The following GPD2 variants were observed in gnomAD, a reference collection of about 807,000 sequenced individuals.
GPD2 encodes glycerol-3-phosphate dehydrogenase, mitochondrial.
GPD2 carries 54 observed loss-of-function variants against 82.4 expected under a neutral mutation model. The observed-to-expected ratio is 0.66, with a 90% CI of 0.53 to 0.82. GPD2 has a LOEUF of 0.82. GPD2 is among the 40% of genes least tolerant of loss of function. GPD2 has a pLI of 0.00. For synonymous variants in GPD2, 288 were observed against 306.1 expected, an observed-to-expected ratio of 0.94 and a Z score of 0.62; for missense variants, 748 against 896.2, an observed-to-expected ratio of 0.83 and a Z score of 2.11.
intron 1 of GPD2, among the ~76,000 whole-genome samples, chr2:156,459,686 C>CAAGAAAAAAAAAA (rs1682917347): frequency 2.6e-5 from 1 of 38,788 alleles, no homozygotes; most frequent in Non-Finnish European, 4.5e-5. Flanking sequence ...GACTCCGTCT[C>CAAGAAAAAAAAAA]AAAAAAAAAA....
At chr2:156,471,873 A>T (rs1268957779) in intron 1 of GPD2, among the ~76,000 whole-genome samples, 1 of 152,194 alleles carries the variant, frequency 6.6e-6, no homozygotes, top group Admixed American at 6.5e-5. Context: ...TAGTTGATAA[A>T]CTCACAGATA....
At chr2:156,500,352 A>G (rs998868179) in intron 3 of GPD2, among the ~76,000 whole-genome samples, 1 of 152,168 alleles carries the variant, frequency 6.6e-6, no homozygotes, top group East Asian at 1.9e-4. Context: ...TTTTACTACA[A>G]TTCCTGATCA....
chr2:156,421,035 A>G, the GPD2 span, among the ~76,000 whole-genome samples: 1 of 152,214 alleles, frequency 6.6e-6, no homozygotes, highest in Non-Finnish European at 1.5e-5. Flanking sequence ...GTGCATGCAA[A>G]TCACCAGGAA....
the GPD2 span, among the ~76,000 whole-genome samples, chr2:156,409,302 A>T: frequency 6.6e-6 from 1 of 152,256 alleles, no homozygotes; most frequent in Non-Finnish European, 1.5e-5. Context: ...TACATTTTTG[A>T]CTTGGCAGAG....
At chr2:156,467,134 C>T (rs1683177336) in intron 1 of GPD2, among the ~76,000 whole-genome samples, 1 of 151,668 alleles carries the variant, frequency 6.6e-6, no homozygotes. Flanking sequence ...TATGGAAATA[C>T]TCTTCCTCTG....
the GPD2 span, among the ~76,000 whole-genome samples, chr2:156,409,214 T>C: frequency 6.6e-5 from 10 of 152,226 alleles, no homozygotes; most frequent in Admixed American, 1.3e-4. Flanking sequence ...CAATTGGTGA[T>C]ACTTGTTATT....
At chr2:156,533,759 A>AC (rs1026937043) in intron 6 of GPD2, among the ~76,000 whole-genome samples, 7 of 151,978 alleles carry the variant, frequency 4.6e-5, no homozygotes, top group African/African-American at 1.5e-4. Flanking sequence ...GAGTTCTCTG[A>AC]CCCCCCTCGC....
intron 8 of GPD2, among the ~76,000 whole-genome samples, chr2:156,552,894 C>CTTTTT (rs771404828): frequency 1.6e-4 from 17 of 107,350 alleles, no homozygotes; most frequent in Admixed American, 1.9e-4. Flanking sequence ...TTCCTTATAT[C>CTTTTT]TTTTTTTTTT....
chr2:156,447,224 T>C (rs1682398391), intron 1 of GPD2, among the ~76,000 whole-genome samples: 2 of 152,226 alleles, frequency 1.3e-5, no homozygotes, highest in African/African-American at 4.8e-5. Context: ...CTTTCTCCTT[T>C]CCTTCAAGCT....
In GPD2 at chr2:156,476,310, G is replaced by C. The variant is rs368193669; in HGVS notation, c.102+103G>C. 122 of 747,334 alleles carry C rather than the reference G, an allele frequency of 1.6e-4. No homozygotes were observed. The African/African-American group carries it at 1.9e-3, about 11-fold the overall frequency. 46.3% of individuals were successfully genotyped at this position (747,334 alleles called of 1,614,324 possible). The stretch of plus-strand genomic sequence containing the variant: ...TAACGGTTTTGTTTAGAAATTACTT[G>C]TGAAGTTTCTCAGTTTGATCTGAAA... On this transcript the variant is annotated intron_variant, in intron 2 of 16. Transcript: ENST00000438166.
chr2:156,465,574 G>A (rs1259974652), intron 1 of GPD2, among the ~76,000 whole-genome samples: 1 of 151,872 alleles, frequency 6.6e-6, no homozygotes, highest in Non-Finnish European at 1.5e-5. Flanking sequence ...TTCCCAGGTT[G>A]GTCTTGAACT....
intron 9 of GPD2, among the ~76,000 whole-genome samples, chr2:156,561,437 A>G (rs1687174306): frequency 6.6e-6 from 1 of 152,108 alleles, no homozygotes; most frequent in South Asian, 2.1e-4. Context: ...AATATTGTGC[A>G]GTACTCTGAT....
chr2:156,576,829 G>A lies in GPD2; in HGVS notation c.1768-2060G>A, dbSNP rs16840520. ...AGAAAGAAATTGTTGTTGCAGGGAA[G>A]CATCAGAGGTGGCATTTCCAAGGAG... On this transcript the variant is annotated intron_variant, in intron 13 of 16. Transcript: ENST00000438166. Among the ~76,000 whole-genome samples, 391 of 152,304 alleles carry A rather than the reference G, an allele frequency of 2.6e-3. 3 individuals carry two copies. Among genetic ancestry groups the A allele is most frequent in the African/African-American group, 9.1e-3 (378 of 41,558 alleles).
chr2:156,564,420 T>C (rs1396756012), intron 9 of GPD2, among the ~76,000 whole-genome samples: 1 of 152,166 alleles, frequency 6.6e-6, no homozygotes, highest in Non-Finnish European at 1.5e-5. Context: ...AAATTTCCAC[T>C]GTGGGTAAAT....
the GPD2 span, among the ~76,000 whole-genome samples, chr2:156,424,528 A>G: frequency 1.3e-5 from 2 of 152,228 alleles, no homozygotes; most frequent in Admixed American, 1.3e-4. Context: ...GAGAGAAAGG[A>G]AGAAGAAAAT....
chr2:156,503,140 G>A (rs1684652832), intron 3 of GPD2, among the ~76,000 whole-genome samples: 1 of 152,150 alleles, frequency 6.6e-6, no homozygotes, highest in Admixed American at 6.5e-5. Flanking sequence ...CTGTCTTTCT[G>A]CTTCCTGGGC....
the GPD2 span, among the ~76,000 whole-genome samples, chr2:156,426,486 C>T: frequency 6.6e-6 from 1 of 152,174 alleles, no homozygotes. Context: ...TGGTTTCTCC[C>T]TTAACACATG....
the GPD2 span, among the ~76,000 whole-genome samples, chr2:156,402,561 C>A: frequency 6.6e-6 from 1 of 152,146 alleles, no homozygotes; most frequent in Non-Finnish European, 1.5e-5. Context: ...AGTGATGTAC[C>A]TTTCCAGAGG....
chr2:156,549,133 TG>T (rs1348257457), intron 6 of GPD2, among the ~76,000 whole-genome samples: 1 of 152,206 alleles, frequency 6.6e-6, no homozygotes, highest in Non-Finnish European at 1.5e-5. Context: ...AAATGCTCTA[TG>T]GAAGATAAAG....
Sources: gnomAD v4.1 joint callset for allele counts (sites outside exome capture counted in the v4.1 genomes callset) on GRCh38, gnomAD v4.1.1 for gene constraint, MANE v1.5 for transcripts, NCBI Gene and HGNC (gene_info 2026-07-23, HGNC 2026-07-21) for gene names.